Variants in CHD2 observed in about 807,000 individuals in gnomAD.
CHD2 encodes the protein chromodomain helicase DNA binding protein 2.
A neutral mutation model predicts 243.9 loss-of-function variants in CHD2; 28 were observed. The ratio of observed to expected loss-of-function variants is 0.11; its 90% CI spans 0.09 to 0.16. The LOEUF is 0.16. Ranked by LOEUF, CHD2 falls within the 10% of genes least tolerant of loss-of-function variation. The pLI is 1.00. For missense variants in CHD2, 1,386 were observed against 2,209.8 expected, an observed-to-expected ratio of 0.63 and a Z score of 7.47; for synonymous variants, 775 against 779.0, an observed-to-expected ratio of 0.99 and a Z score of 0.09.
intron 15 of CHD2, among the ~76,000 whole-genome samples, chr15:92,955,972 G>T (rs1444370407): frequency 6.6e-6 from 1 of 152,160 alleles, no homozygotes; most frequent in Non-Finnish European, 1.5e-5. Flanking sequence ...TTGTGAGGAG[G>T]ACAAAAATAA....
Position 92,997,347 on chromosome 15 carries a change from G to A in CHD2, c.3829G>A (p.Gly1277Ser), listed in dbSNP as rs1596447174. The change falls in exon 30 of 39, where the codon GGC becomes AGC. Residue 1277 changes from glycine to serine, a missense_variant. Physicochemically the swap from Gly to Ser is moderately conservative, Grantham distance 56 (BLOSUM62 0). Around this residue, in one of 19 missense-constraint regions of CHD2, gnomAD observed 99 missense variants for 176.9 expected, o/e 0.56. Coordinates refer to ENST00000394196, the MANE Select transcript of CHD2 (RefSeq NM_001271.4). This position sits in a 1 kb window ranked among gnomAD's most constrained non-coding sequence, Gnocchi z 4.1. ...SRLLLGIYEHGYGNWELIKTD... is the reference protein window; with the variant it reads ...SRLLLGIYEHSYGNWELIKTD... ...CCTGTTGCTGGGGATTTATGAACAT[G>A]GCTATGGAAACTGGGAGTTAATTAA... The A allele has an allele frequency of 6.2e-7, 1 of 1,612,452 alleles. No homozygotes were observed.
At chr15:93,009,375 G>C in intron 35 of CHD2, 52 bp downstream of exon 35, 1 of 1,532,968 alleles carries the variant, frequency 6.5e-7, no homozygotes, top group Non-Finnish European at 8.8e-7. Context: ...GTGTGGGAGT[G>C]GATTCTGTTT....
At chr15:92,933,630 G>A (rs1050120815) in intron 5 of CHD2, among the ~76,000 whole-genome samples, 1 of 152,080 alleles carries the variant, frequency 6.6e-6, no homozygotes, top group Non-Finnish European at 1.5e-5. Flanking sequence ...TTGAGACGGC[G>A]TTTTATTCTT....
chr15:92,902,368 T>A (rs1431062389), intron 2 of CHD2: 1 of 389,074 alleles, frequency 2.6e-6, no homozygotes, highest in East Asian at 3.7e-5. Flanking sequence ...TCTTTATGCA[T>A]TTTCATATTA....
At chr15:92,979,637 G>GT (rs200909445) in intron 22 of CHD2, among the ~76,000 whole-genome samples, 10,800 of 144,970 alleles carry the variant, frequency 0.074, 516 homozygotes, top group South Asian at 0.12. Context: ...ATTGGCAGCT[G>GT]TTTTTTTTTT....
chr15:92,952,559 G>A (rs1452400712), intron 13 of CHD2, among the ~76,000 whole-genome samples: 1 of 152,186 alleles, frequency 6.6e-6, no homozygotes, highest in Non-Finnish European at 1.5e-5. Context: ...GTAGTTCATA[G>A]TGGGGTTCAT....
intron 2 of CHD2, 79 bp downstream of exon 2, chr15:92,901,378 G>GC: frequency 1.2e-6 from 1 of 824,004 alleles, no homozygotes; most frequent in Non-Finnish European, 2.0e-6. Flanking sequence ...TACCTTGACA[G>GC]ACATGGATTG....
chr15:92,912,769 C>T (rs926477170), intron 2 of CHD2, among the ~76,000 whole-genome samples: 6 of 151,574 alleles, frequency 4.0e-5, no homozygotes, highest in East Asian at 1.9e-4. Flanking sequence ...CTCCTGACCT[C>T]GTGATCCGCC....
intron 2 of CHD2, among the ~76,000 whole-genome samples, chr15:92,914,571 T>G (rs1002428718): frequency 6.6e-6 from 1 of 152,226 alleles, no homozygotes; most frequent in Non-Finnish European, 1.5e-5. Flanking sequence ...ATACACTGAT[T>G]AAAGGTAAAT....
intron 35 of CHD2, among the ~76,000 whole-genome samples, chr15:93,009,529 A>G (rs1002429939): frequency 2.0e-5 from 3 of 152,230 alleles, no homozygotes. Flanking sequence ...GGGTAGGACG[A>G]TGTCATTAAT....
chr15:92,921,260 G>C (rs2052949693), intron 2 of CHD2: 1 of 152,378 alleles, frequency 6.6e-6, no homozygotes, highest in African/African-American at 2.4e-5. Context: ...AGGAGCTAGA[G>C]GGGAGCAATG....
chr15:92,908,079 GCTT>G (rs985563937), intron 2 of CHD2, among the ~76,000 whole-genome samples: 17 of 140,824 alleles, frequency 1.2e-4, no homozygotes, highest in Non-Finnish European at 2.1e-4. Context: ...GACTACAACA[GCTT>G]CTTGTGTGAA....
At chr15:92,990,112 G>A (rs2054097487) in intron 26 of CHD2, among the ~76,000 whole-genome samples, 1 of 152,190 alleles carries the variant, frequency 6.6e-6, no homozygotes, top group African/African-American at 2.4e-5. Context: ...AGTGAGTTCT[G>A]GGTCAGTCCA....
Position 93,002,256 on chromosome 15 carries a change from G to A in CHD2, c.4217G>A (p.Ser1406Asn). The A allele has an allele frequency of 5.0e-6, 8 of 1,601,556 alleles. No individual in the cohort carries two copies. Among genetic ancestry groups the A allele is most frequent in the South Asian group, 4.5e-5 (4 of 88,656 alleles). Residue 1406 changes from serine (S) to asparagine (N), a missense_variant, in exon 33 of 39, where the codon AGT becomes AAT. By Grantham distance (46) the Ser-to-Asn change is conservative. This residue lies in a region of CHD2 where 125 missense variants were observed against 128.9 expected (regional missense o/e 0.97). Coordinates refer to ENST00000394196, the MANE Select transcript of CHD2 (RefSeq NM_001271.4). Reference sequence around the variant, plus strand: ...AAGGAGAACAAGGAGAAACAAATGAGTTCTAGGAAAGACAAAGAAGGGGAC... The same window carrying A: ...AAGGAGAACAAGGAGAAACAAATGAATTCTAGGAAAGACAAAGAAGGGGAC... ...ENKENKEKQM[S>N]SRKDKEGDKE...
At chr15:92,949,901 G>T (rs2053529654) in intron 13 of CHD2, among the ~76,000 whole-genome samples, 1 of 152,188 alleles carries the variant, frequency 6.6e-6, no homozygotes, top group African/African-American at 2.4e-5. Flanking sequence ...TGACTCATTG[G>T]GTTCTTACTG....
Position 92,997,059 on chromosome 15 carries a change from A to G in CHD2, c.3698A>G (p.His1233Arg), listed in dbSNP as rs2054197477. The change falls in exon 29 of 39, where the codon CAT becomes CGT. Residue 1233 changes from histidine to arginine, a missense_variant. Around this residue, in one of 19 missense-constraint regions of CHD2, gnomAD observed 99 missense variants for 176.9 expected, o/e 0.56. Coordinates refer to ENST00000394196, the MANE Select transcript of CHD2 (RefSeq NM_001271.4). The surrounding 1 kb of genome is among the most constrained non-coding windows in gnomAD (Gnocchi z 4.1). ...IQHEEEFEML[H>R]KSIPVDPEEK... ...CATGAAGAGGAGTTTGAGATGCTGCATAAATCTATCCCTGTGGACCCTGAA... is the reference window on the plus strand; with the variant it reads ...CATGAAGAGGAGTTTGAGATGCTGCGTAAATCTATCCCTGTGGACCCTGAA... The G allele has an allele frequency of 6.2e-7, 1 of 1,613,828 alleles. No homozygotes were observed. Among genetic ancestry groups the G allele is most frequent in the Non-Finnish European group, 8.5e-7 (1 of 1,179,922 alleles).
intron 2 of CHD2, among the ~76,000 whole-genome samples, chr15:92,915,361 G>A (rs1187785549): frequency 5.9e-5 from 9 of 151,794 alleles, no homozygotes; most frequent in African/African-American, 1.9e-4. Flanking sequence ...TGCAAGCTCC[G>A]CCTCCCGGGT....
chr15:92,971,737 G>C, intron 17 of CHD2, 28 bp from the exon 18 acceptor site: 1 of 1,600,594 alleles, frequency 6.2e-7, no homozygotes, highest in African/African-American at 1.3e-5. Flanking sequence ...TTTGTATCTA[G>C]TAGTATCATT....
chr15:92,948,491 A>G (rs1326334508), intron 12 of CHD2, among the ~76,000 whole-genome samples: 2 of 152,232 alleles, frequency 1.3e-5, no homozygotes, highest in Non-Finnish European at 2.9e-5. Context: ...TGGAATATTA[A>G]CCATGAAGAA....
Sources: allele counts gnomAD v4.1 joint callset (sites outside exome capture counted in the v4.1 genomes callset), GRCh38; gene constraint gnomAD v4.1.1; regional missense constraint gnomAD v4.1.1; non-coding constraint Gnocchi (gnomAD v3.1); transcripts MANE v1.5; gene names NCBI Gene and HGNC (gene_info 2026-07-23, HGNC 2026-07-21).